The following TXNL4A variants were observed in gnomAD, a reference collection of about 807,000 sequenced individuals.
The protein encoded by TXNL4A is thioredoxin like 4A.
A neutral mutation model predicts 14.6 loss-of-function variants in TXNL4A; 17 were observed. The observed-to-expected ratio is 1.16, with a 90% CI of 0.80 to 1.74. The LOEUF (loss-of-function observed/expected upper bound fraction) is 1.74. Ranked by LOEUF, TXNL4A falls within the 40% of genes most tolerant of loss-of-function variation. The probability of loss-of-function intolerance (pLI) is 0.00; values close to 1 mark genes in which losing one functional copy is unlikely to be tolerated. For synonymous variants in TXNL4A, 83 were observed against 70.6 expected (o/e 1.18, Z -0.88); for missense variants, 74 against 195.2 (o/e 0.38, Z 3.70).
chr18:79,978,187 A>G (rs1241010106), intron 1 of TXNL4A, among the ~76,000 whole-genome samples: 1 of 152,164 alleles, frequency 6.6e-6, no homozygotes, highest in Non-Finnish European at 1.5e-5. Flanking sequence ...GTAACAAGTT[A>G]TCAAAGTCCT....
intron 1 of TXNL4A, among the ~76,000 whole-genome samples, chr18:79,985,207 G>A (rs1454257884): frequency 1.3e-5 from 2 of 152,066 alleles, no homozygotes; most frequent in South Asian, 2.1e-4. Flanking sequence ...AAGACAGCTC[G>A]TACATGAAAT....
At position 79,996,043 on chromosome 18, in the gene TXNL4A, G is replaced by A. The variant is rs534401810; in HGVS notation, c.-60-18342C>T. 1.4e-4 allele frequency among the ~76,000 whole-genome samples: 18 copies of A among 132,232 alleles called. No homozygotes were observed. The East Asian group carries it at 4.1e-3, about 30-fold the overall frequency. The allele number at this position is 132,232 out of a possible 152,430, so 86.7% of individuals were successfully genotyped here. On this transcript the variant is annotated intron_variant, in intron 1 of 2. Transcript: ENST00000585474. ...GGCGTGAACCTGGGAGGCGGAGCTT[G>A]CAGTGAGCCCACATCGCGCCACTGC... is the stretch of plus-strand genomic sequence containing the variant.
At chr18:79,985,546 C>A (rs1429290049) in intron 1 of TXNL4A, among the ~76,000 whole-genome samples, 3 of 152,336 alleles carry the variant, frequency 2.0e-5, no homozygotes, top group African/African-American at 7.2e-5. Context: ...AGACACAGTG[C>A]CCAGATGAAA....
intron 1 of TXNL4A, among the ~76,000 whole-genome samples, chr18:80,032,985 C>T (rs1420232769): frequency 1.5e-5 from 1 of 68,958 alleles, no homozygotes; most frequent in Non-Finnish European, 3.2e-5. Context: ...TTTCCTCTGC[C>T]CGTTTGTTTG....
At chr18:79,973,924 T>C in intron 2 of TXNL4A, 68 bp from the exon 3 acceptor site, 3 of 1,574,854 alleles carry the variant, frequency 1.9e-6, no homozygotes, top group Admixed American at 3.6e-5. Flanking sequence ...TTGAAAACAA[T>C]GCCGTATTTT....
chr18:80,002,967 G>A (rs1176869674), intron 1 of TXNL4A, among the ~76,000 whole-genome samples: 2 of 152,222 alleles, frequency 1.3e-5, no homozygotes, highest in Non-Finnish European at 2.9e-5. Flanking sequence ...GGCAGGGAGG[G>A]AGGCCAGGAT....
chr18:79,987,051 G>A (rs576306334), intron 1 of TXNL4A, among the ~76,000 whole-genome samples: 64 of 152,274 alleles, frequency 4.2e-4, no homozygotes, highest in Middle Eastern at 3.4e-3. Flanking sequence ...TGGTACTAAA[G>A]CTACTCCACC....
chr18:79,972,859 C>T lies in TXNL4A; in HGVS notation c.*826G>A, dbSNP rs960306093. The T allele has an allele frequency of 2.0e-5, 3 of 152,172 alleles. No individual in the cohort carries two copies. The highest frequency in any genetic ancestry group is 7.2e-5 in the African/African-American group (3 of 41,434). 9.4% of individuals were successfully genotyped at this position (152,172 alleles called of 1,614,324 possible). ...CAATCTTGGGAAGAATAAAAAATAG[C>T]TCTCCTATTCCTTACAGGGAAGGCT... On this transcript the variant is annotated 3_prime_UTR_variant, in exon 3 of 3. Coordinates refer to ENST00000269601, the MANE Select transcript of TXNL4A (RefSeq NM_006701.5).
chr18:80,017,847 A>G (rs796236299), intron 1 of TXNL4A, among the ~76,000 whole-genome samples: 5,783 of 151,592 alleles, frequency 0.038, 363 homozygotes, highest in African/African-American at 0.13. Flanking sequence ...GTCTCTGCCC[A>G]GCTTTGGTAT....
At chr18:80,032,194 G>A (rs1421596930) in intron 1 of TXNL4A, among the ~76,000 whole-genome samples, 1 of 152,004 alleles carries the variant, frequency 6.6e-6, no homozygotes, top group Non-Finnish European at 1.5e-5. Flanking sequence ...TCCTAGGAAT[G>A]AGCATTCCTC....
intron 1 of TXNL4A, among the ~76,000 whole-genome samples, chr18:80,032,910 A>G (rs966050251): frequency 6.6e-6 from 1 of 151,376 alleles, no homozygotes; most frequent in African/African-American, 2.4e-5. Flanking sequence ...ACCCTAGCCC[A>G]TCTGATTGTT....
At position 79,978,024 on chromosome 18, in the gene TXNL4A, G is replaced by A. The variant is rs1006371661; in HGVS notation, c.154-323C>T. ...CATTTTTTCCCAGTGCAGCAAACAC[G>A]CGGGAAGATCATGTGACACTACTGG... On this transcript the variant is annotated intron_variant, in intron 1 of 2. Transcript: ENST00000269601. 16 of 282,320 alleles carry A rather than the reference G, an allele frequency of 5.7e-5. 1 individual carries two copies. The highest frequency in any genetic ancestry group is 4.7e-4 in the East Asian group (6 of 12,790). 17.5% of individuals were successfully genotyped at this position (282,320 alleles called of 1,614,324 possible).
At position 79,982,244 on chromosome 18, in the gene TXNL4A, G is replaced by A. The variant is rs1387358518; in HGVS notation, c.154-4543C>T. Among the ~76,000 whole-genome samples the A allele has an allele frequency of 6.6e-6, 1 of 152,248 alleles. No homozygotes were observed. The highest frequency in any genetic ancestry group is 1.9e-4 in the East Asian group (1 of 5,198). ...GAAGTGCAGGACAGTGGGGACCGAT[G>A]CGCAGGTGGACTGGCCCACAGAGGA... On this transcript the variant is annotated intron_variant, in intron 1 of 2. Coordinates refer to ENST00000269601, the MANE Select transcript of TXNL4A (RefSeq NM_006701.5). The surrounding 1 kb of genome is among the most constrained non-coding windows in gnomAD (Gnocchi z 4.0).
chr18:80,005,196 G>A (rs1235946783), intron 1 of TXNL4A, among the ~76,000 whole-genome samples: 1 of 152,234 alleles, frequency 6.6e-6, no homozygotes, highest in East Asian at 1.9e-4. Flanking sequence ...GGTGACACCT[G>A]AGGCCAATGG....
chr18:79,975,396 C>A (rs1482024767), intron 2 of TXNL4A, among the ~76,000 whole-genome samples: 3 of 152,208 alleles, frequency 2.0e-5, no homozygotes. Context: ...GTTTCATCTC[C>A]TTTTCTGAGT....
intron 1 of TXNL4A, chr18:79,979,342 T>C (rs1333853552): frequency 1.3e-5 from 2 of 152,254 alleles, no homozygotes; most frequent in East Asian, 1.9e-4. Context: ...CCATTTGATA[T>C]AGTTTGGATA....
At chr18:79,983,928 TGCACCC>T (rs2051502860) in intron 1 of TXNL4A, among the ~76,000 whole-genome samples, 1 of 152,114 alleles carries the variant, frequency 6.6e-6, no homozygotes, top group African/African-American at 2.4e-5. Flanking sequence ...AGCTAGAGTC[TGCACCC>T]TCAACCGCCG....
chr18:80,022,936 C>T (rs1394891171), intron 1 of TXNL4A, among the ~76,000 whole-genome samples: 2 of 152,168 alleles, frequency 1.3e-5, no homozygotes, highest in African/African-American at 4.8e-5. Flanking sequence ...CTTAGACCCA[C>T]TCAGCCTAAA....
intron 1 of TXNL4A, among the ~76,000 whole-genome samples, chr18:80,028,750 C>G (rs1202929186): frequency 6.6e-6 from 1 of 152,232 alleles, no homozygotes; most frequent in East Asian, 1.9e-4. Flanking sequence ...AACATTTACA[C>G]TGACAGCTGC....
Sources: gnomAD v4.1 joint callset for allele counts (sites outside exome capture counted in the v4.1 genomes callset) on GRCh38, gnomAD v4.1.1 for gene constraint, Gnocchi (gnomAD v3.1) non-coding constraint, MANE v1.5 for transcripts, NCBI Gene and HGNC (gene_info 2026-07-23, HGNC 2026-07-21) for gene names.